The following ADGRL3 variants were observed in gnomAD, a reference collection of about 807,000 sequenced individuals.
The protein encoded by ADGRL3 is calcium-independent alpha-latrotoxin receptor 3.
Under a neutral mutation model 153.5 loss-of-function variants are expected in ADGRL3, and 62 were observed. That is an observed-to-expected ratio of 0.40 (90% CI 0.33 to 0.50). ADGRL3 has a LOEUF of 0.50. ADGRL3 is among the 20% of genes least tolerant of loss of function. The pLI, the probability that ADGRL3 is intolerant of heterozygous loss-of-function variation, is 0.47. For synonymous variants in ADGRL3, 710 were observed against 672.5 expected, an observed-to-expected ratio of 1.06 and a Z score of -0.86; for missense variants, 1,641 against 1,859.4, an observed-to-expected ratio of 0.88 and a Z score of 2.16.
chr4:61,382,860 T>C (rs1206323880), intron 1 of ADGRL3, among the ~76,000 whole-genome samples: 2 of 151,802 alleles, frequency 1.3e-5, no homozygotes, highest in East Asian at 3.9e-4. Flanking sequence ...AGTCTTTTAA[T>C]TAGGAAAAGA....
intron 1 of ADGRL3, among the ~76,000 whole-genome samples, chr4:61,317,016 C>G (rs1311361141): frequency 1.3e-5 from 2 of 152,130 alleles, no homozygotes; most frequent in African/African-American, 4.8e-5. Context: ...AAGCTTTGAA[C>G]CTTTTAAGCT....
intron 6 of ADGRL3, among the ~76,000 whole-genome samples, chr4:61,679,055 G>C (rs922491537): frequency 1.3e-5 from 2 of 151,992 alleles, no homozygotes; most frequent in Non-Finnish European, 2.9e-5. Context: ...GGGTAATTTA[G>C]TAAGAAAAGA....
chr4:61,715,966 A>T (rs1253633910), intron 6 of ADGRL3, among the ~76,000 whole-genome samples: 1 of 151,806 alleles, frequency 6.6e-6, no homozygotes, highest in African/African-American at 2.4e-5. Flanking sequence ...AAAAAAAAAA[A>T]AAAATCCTTT....
At chr4:62,052,534 A>G (rs558782930) in intron 25 of ADGRL3, among the ~76,000 whole-genome samples, 1 of 151,464 alleles carries the variant, frequency 6.6e-6, no homozygotes, top group Non-Finnish European at 1.5e-5. Flanking sequence ...TTACAAAACT[A>G]TTTTTGATAT....
At chr4:61,225,270 C>T (rs887710154) in intron 1 of ADGRL3, among the ~76,000 whole-genome samples, 4 of 152,136 alleles carry the variant, frequency 2.6e-5, no homozygotes, top group Non-Finnish European at 5.9e-5. Context: ...TTACCTATGC[C>T]GCTTCCTGGA....
intron 2 of ADGRL3, among the ~76,000 whole-genome samples, chr4:61,478,255 G>C (rs2098088589): frequency 6.6e-6 from 1 of 152,040 alleles, no homozygotes. Context: ...TTAATGTTAA[G>C]ATATACAAGC....
chr4:61,801,823 G>C (rs1311005234), intron 8 of ADGRL3, among the ~76,000 whole-genome samples: 1 of 152,006 alleles, frequency 6.6e-6, no homozygotes, highest in Non-Finnish European at 1.5e-5. Context: ...CAAACATTTT[G>C]AATTTTGAAA....
intron 6 of ADGRL3, among the ~76,000 whole-genome samples, chr4:61,712,396 G>A (rs1027229340): frequency 1.3e-5 from 2 of 151,332 alleles, no homozygotes; most frequent in Non-Finnish European, 2.9e-5. Flanking sequence ...CCATGTCCTA[G>A]GCCAAAAAAA....
At chr4:61,534,551 T>A (rs1009682851) in intron 4 of ADGRL3, among the ~76,000 whole-genome samples, 2 of 152,174 alleles carry the variant, frequency 1.3e-5, no homozygotes, top group African/African-American at 4.8e-5. Flanking sequence ...TAATGATAAT[T>A]GACTCTTCCT....
At chr4:61,584,931 C>A (rs1191988410) in intron 4 of ADGRL3, among the ~76,000 whole-genome samples, 1 of 151,908 alleles carries the variant, frequency 6.6e-6, no homozygotes, top group Non-Finnish European at 1.5e-5. Context: ...TTTAAATAAG[C>A]ATCCAATTTC....
At chr4:61,642,206 G>A (rs1236511701) in intron 5 of ADGRL3, among the ~76,000 whole-genome samples, 1 of 150,796 alleles carries the variant, frequency 6.6e-6, no homozygotes, top group African/African-American at 2.4e-5. Flanking sequence ...CAGATGAGTA[G>A]GTTGCGAAAA....
intron 5 of ADGRL3, among the ~76,000 whole-genome samples, chr4:61,605,121 GA>G (rs60290027): frequency 0.012 from 1,568 of 131,272 alleles, 27 homozygotes; most frequent in African/African-American, 0.04. Context: ...AAAAGAGAAG[GA>G]AAAAAAAAAC....
chr4:61,792,076 G>A (rs2097349969), intron 8 of ADGRL3, among the ~76,000 whole-genome samples: 2 of 152,186 alleles, frequency 1.3e-5, no homozygotes, highest in Admixed American at 1.3e-4. Context: ...AATTTCTGCA[G>A]CAGGCTTGAA....
chr4:61,563,280 A>G (rs757309385), intron 4 of ADGRL3, among the ~76,000 whole-genome samples: 3 of 152,060 alleles, frequency 2.0e-5, no homozygotes, highest in Non-Finnish European at 4.4e-5. Context: ...TTTCTCTGAG[A>G]AGTAGGTCTC....
intron 1 of ADGRL3, among the ~76,000 whole-genome samples, chr4:61,272,461 C>T (rs1274125010): frequency 6.6e-6 from 1 of 151,860 alleles, no homozygotes; most frequent in Non-Finnish European, 1.5e-5. Context: ...TATATCTGCC[C>T]TGCATTTTAT....
chr4:61,829,850 C>A (rs570432583), intron 9 of ADGRL3, among the ~76,000 whole-genome samples: 4 of 152,062 alleles, frequency 2.6e-5, no homozygotes, highest in Admixed American at 2.6e-4. Flanking sequence ...AGCCAAGGAA[C>A]TGGTACTTTG....
At chr4:61,294,687 T>C (rs1304725204) in intron 1 of ADGRL3, among the ~76,000 whole-genome samples, 2 of 152,144 alleles carry the variant, frequency 1.3e-5, no homozygotes, top group African/African-American at 4.8e-5. Context: ...GTTCATAAAA[T>C]GGCATATAAA....
At chr4:61,316,337 G>A (rs2095212985) in intron 1 of ADGRL3, among the ~76,000 whole-genome samples, 1 of 152,112 alleles carries the variant, frequency 6.6e-6, no homozygotes, top group Non-Finnish European at 1.5e-5. Flanking sequence ...GCCAAGTAGG[G>A]TAAAAGACAA....
At chr4:61,318,193 CAAA>C (rs757545966) in intron 1 of ADGRL3, among the ~76,000 whole-genome samples, 3 of 48,604 alleles carry the variant, frequency 6.2e-5, no homozygotes, top group South Asian at 8.5e-4. Flanking sequence ...GAACCTGTCT[CAAA>C]AAAAAAAAAA....
Sources: allele counts gnomAD v4.1 joint callset (sites outside exome capture counted in the v4.1 genomes callset), GRCh38; gene constraint gnomAD v4.1.1; transcripts MANE v1.5; gene names NCBI Gene and HGNC (gene_info 2026-07-23, HGNC 2026-07-21).